Variants in KDM2B observed in about 807,000 individuals in gnomAD.
KDM2B encodes the protein lysine-specific demethylase 2B.
KDM2B carries 26 observed loss-of-function variants against 150.0 expected under a neutral mutation model. The ratio of observed to expected loss-of-function variants is 0.17; its 90% CI spans 0.13 to 0.24. KDM2B has a LOEUF of 0.24. KDM2B is among the 10% of genes least tolerant of loss of function. KDM2B has a pLI of 1.00. For synonymous variants in KDM2B, 734 were observed against 729.5 expected (o/e 1.01, Z -0.10); for missense variants, 1,265 against 1,816.9 (o/e 0.70, Z 5.52).
intron 7 of KDM2B, among the ~76,000 whole-genome samples, chr12:121,534,106 T>A (rs1887886027): frequency 6.6e-6 from 1 of 151,944 alleles, no homozygotes; most frequent in Non-Finnish European, 1.5e-5. Context: ...TCCCAGCACT[T>A]TGGGAGGCCA....
rs1413702859 is a variant in KDM2B at position 121,453,641 on chromosome 12, C to A, written c.1735-297G>T. 1.2e-4 allele frequency among the ~76,000 whole-genome samples: 19 copies of A among 152,144 alleles called. No individual in the cohort carries two copies. ...GAACGTGTGTGAAGACACAGGCCTTCCACAGACTGGAGCCCTGTCTACAAG... is the reference window on the plus strand; with the variant it reads ...GAACGTGTGTGAAGACACAGGCCTTACACAGACTGGAGCCCTGTCTACAAG... On this transcript the variant is annotated intron_variant, in intron 12 of 22. Transcript: ENST00000377071. The surrounding 1 kb of genome is among the most constrained non-coding windows in gnomAD (Gnocchi z 6.4).
At position 121,452,907 on chromosome 12, in the gene KDM2B, C is replaced by A. The variant is rs1877545035; in HGVS notation, c.1959+213G>T. On this transcript the variant is annotated intron_variant, in intron 13 of 22. Transcript: ENST00000377071. This position sits in a 1 kb window ranked among gnomAD's most constrained non-coding sequence, Gnocchi z 4.4. Reference sequence around the variant, plus strand: ...CTGTCATCTTTAATGGCAGCAACTTCAAAGTACCTGAGCACCCTGGGAGGG... The same window carrying A: ...CTGTCATCTTTAATGGCAGCAACTTAAAAGTACCTGAGCACCCTGGGAGGG... Among the ~76,000 whole-genome samples the A allele has an allele frequency of 6.6e-6, 1 of 152,210 alleles. No individual in the cohort carries two copies. The highest frequency in any genetic ancestry group is 1.5e-5 in the Non-Finnish European group (1 of 68,046).
chr12:121,439,811 T>C (rs782276959), intron 22 of KDM2B, 46 bp downstream of exon 22: 1 of 1,407,688 alleles, frequency 7.1e-7, no homozygotes, highest in Non-Finnish European at 1.0e-6. Context: ...ACCTCCTGGT[T>C]CTCCCACGGA....
intron 8 of KDM2B, among the ~76,000 whole-genome samples, chr12:121,528,953 G>A (rs1310219905): frequency 1.3e-5 from 2 of 152,170 alleles, no homozygotes; most frequent in African/African-American, 4.8e-5. Context: ...TATTCCAAAA[G>A]AGAGGGAAAG....
intron 3 of KDM2B, 73 bp from the exon 4 acceptor site, chr12:121,574,666 G>A (rs1042442368): frequency 2.2e-6 from 3 of 1,390,596 alleles, no homozygotes; most frequent in African/African-American, 1.4e-5. Flanking sequence ...GGGCCCGGGG[G>A]GAAGCCATTT....
intron 4 of KDM2B, among the ~76,000 whole-genome samples, chr12:121,566,603 A>G (rs116465320): frequency 0.021 from 3,203 of 151,944 alleles, 117 homozygotes; most frequent in African/African-American, 0.073. Context: ...CCCGGGCGAC[A>G]AGCGAAATTC....
chr12:121,524,049 C>T (rs1304904087), intron 8 of KDM2B, among the ~76,000 whole-genome samples: 1 of 152,172 alleles, frequency 6.6e-6, no homozygotes, highest in Non-Finnish European at 1.5e-5. Context: ...TTGTCGCCAT[C>T]CCCGTTATCC....
intron 12 of KDM2B, among the ~76,000 whole-genome samples, chr12:121,473,732 A>AG (rs1555296267): frequency 4.2e-4 from 63 of 151,570 alleles, no homozygotes; most frequent in African/African-American, 1.4e-3. Flanking sequence ...AAAAAAAAAA[A>AG]AAGAGAGAGA....
At chr12:121,417,991 T>A in the KDM2B span, 2 of 1,407,278 alleles carry the variant, frequency 1.4e-6, no homozygotes, top group South Asian at 1.3e-5. The surrounding 1 kb of genome is among the most constrained non-coding windows in gnomAD (Gnocchi z 5.0). Flanking sequence ...TAGTGCTTGA[T>A]GACTTCTGAT....
rs549662622 is a variant in KDM2B, at chr12:121,572,621, C to T, written c.397+1926G>A. Among the ~76,000 whole-genome samples the T allele has an allele frequency of 2.0e-5, 3 of 152,242 alleles. No individual in the cohort carries two copies. The East Asian group carries it at 5.8e-4, about 29-fold the overall frequency. On this transcript the variant is annotated intron_variant, in intron 4 of 22. Coordinates refer to ENST00000377071, the MANE Select transcript of KDM2B (RefSeq NM_032590.5). The stretch of plus-strand genomic sequence containing the variant: ...CATGCCATTATTCTGTTTATTTTTA[C>T]ATAGCCCTGTCACCATCAGAAAAGA...
intron 4 of KDM2B, among the ~76,000 whole-genome samples, chr12:121,570,474 A>G (rs1891016085): frequency 6.6e-6 from 1 of 152,160 alleles, no homozygotes; most frequent in African/African-American, 2.4e-5. Flanking sequence ...GGTGTGAGCC[A>G]CCGCACCCAG....
At chr12:121,547,645 CTTTTTTTT>C (rs55686141) in intron 6 of KDM2B, among the ~76,000 whole-genome samples, 1 of 80,268 alleles carries the variant, frequency 1.2e-5, no homozygotes, top group Admixed American at 1.4e-4. Context: ...CTTCCCCTTC[CTTTTTTTT>C]TTTTTTTTTT....
chr12:121,538,562 G>C (rs911189856), intron 6 of KDM2B, among the ~76,000 whole-genome samples: 3 of 152,182 alleles, frequency 2.0e-5, no homozygotes, highest in African/African-American at 7.2e-5. Flanking sequence ...GTGGCTTAGT[G>C]ACTGTGTACC....
chr12:121,556,083 C>A (rs782250861), intron 4 of KDM2B, among the ~76,000 whole-genome samples: 1 of 151,896 alleles, frequency 6.6e-6, no homozygotes, highest in Non-Finnish European at 1.5e-5. Context: ...CGCACCACCA[C>A]GCCTGGCTAA....
the KDM2B span, chr12:121,420,547 C>T: frequency 6.2e-7 from 1 of 1,608,306 alleles, no homozygotes; most frequent in Non-Finnish European, 8.5e-7. Flanking sequence ...ACTTATGGGA[C>T]CAGGGCTAAT....
intron 1 of KDM2B, chr12:121,579,487 C>A (rs1891773409): frequency 6.0e-6 from 5 of 836,032 alleles, no homozygotes; most frequent in Non-Finnish European, 8.6e-6. Context: ...GGCTGAGACC[C>A]CAGCCGCCCC....
chr12:121,561,855 A>C (rs1214640548), intron 4 of KDM2B, among the ~76,000 whole-genome samples: 2 of 152,222 alleles, frequency 1.3e-5, no homozygotes, highest in Non-Finnish European at 2.9e-5. Context: ...CCCGAGCTTA[A>C]AATGGAAAAA....
intron 8 of KDM2B, among the ~76,000 whole-genome samples, chr12:121,526,358 A>G (rs538012767): frequency 3.3e-5 from 5 of 149,482 alleles, no homozygotes; most frequent in African/African-American, 4.9e-5. Context: ...GCCTCAGGGG[A>G]AAAAAAAAAG....
chr12:121,534,404 G>GGA, intron 7 of KDM2B, 93 bp downstream of exon 7: 1 of 878,898 alleles, frequency 1.1e-6, no homozygotes, highest in East Asian at 2.4e-5. Context: ...GCTGGTTGGA[G>GGA]GAGGGAGGTG....
Sources: allele counts gnomAD v4.1 joint callset (sites outside exome capture counted in the v4.1 genomes callset), GRCh38; gene constraint gnomAD v4.1.1; non-coding constraint Gnocchi (gnomAD v3.1); transcripts MANE v1.5; gene names NCBI Gene and HGNC (gene_info 2026-07-23, HGNC 2026-07-21).